The following SH3BGR variants were observed in gnomAD, a reference collection of about 807,000 sequenced individuals.
The protein encoded by SH3BGR is SH3 domain binding glutamate rich protein.
A neutral mutation model predicts 24.5 loss-of-function variants in SH3BGR; 29 were observed. That is an observed-to-expected ratio of 1.18 (90% CI 0.88 to 1.61). The LOEUF (loss-of-function observed/expected upper bound fraction) is 1.61, where lower values mean the gene tolerates loss of function less well. Ranked by LOEUF, SH3BGR falls within the 40% of genes most tolerant of loss-of-function variation. SH3BGR has a pLI of 0.00. For synonymous variants in SH3BGR, 55 were observed against 65.7 expected (o/e 0.84, Z 0.79); for missense variants, 162 against 205.8 (o/e 0.79, Z 1.30).
intron 1 of SH3BGR, among the ~76,000 whole-genome samples, chr21:39,459,302 G>A (rs569914951): frequency 2.6e-5 from 4 of 151,146 alleles, no homozygotes; most frequent in African/African-American, 7.3e-5. Flanking sequence ...TCTGCTCACT[G>A]CAACCTCCGC....
At chr21:39,481,299 CA>C (rs1437455680) in intron 3 of SH3BGR, among the ~76,000 whole-genome samples, 1 of 151,824 alleles carries the variant, frequency 6.6e-6, no homozygotes, top group East Asian at 1.9e-4. Context: ...ACCCTGTTCT[CA>C]AAAACAAACA....
At chr21:39,469,947 T>C (rs6517551) in intron 2 of SH3BGR, among the ~76,000 whole-genome samples, 135,787 of 152,188 alleles carry the variant, frequency 0.89, 60,581 homozygotes, top group Middle Eastern at 0.89. Flanking sequence ...TGAGCCGCCA[T>C]GCCCAGCCTG....
At chr21:39,481,423 G>T (rs1349449447) in intron 3 of SH3BGR, among the ~76,000 whole-genome samples, 1 of 152,160 alleles carries the variant, frequency 6.6e-6, no homozygotes, top group African/African-American at 2.4e-5. Flanking sequence ...AGATGTCAAA[G>T]AAAATATATG....
Position 39,499,912 on chromosome 21 carries a change from GA to G in SH3BGR, c.404del (p.Asn135MetfsTer15), listed in dbSNP as rs2078465104. 2 of 1,611,032 alleles carry G rather than the reference GA, an allele frequency of 1.2e-6. No individual in the cohort carries two copies. The highest frequency in any genetic ancestry group is 1.7e-6 in the Non-Finnish European group (2 of 1,177,370). ...GCAACCTCCCTGAAGCCCAGGAGAAGAATGTGAGTTTTCGCTTTTTCACAGC... is the reference window on the plus strand; with the variant it reads ...GCAACCTCCCTGAAGCCCAGGAGAAGATGTGAGTTTTCGCTTTTTCACAGC... ...VGNLPEAQEK[N>X]EEEGETATEE... is the part of the protein sequence containing the mutation. On this transcript the variant is annotated frameshift_variant and splice_region_variant, in exon 4 of 7. Coordinates refer to ENST00000333634, the MANE Select transcript of SH3BGR (RefSeq NM_007341.3). LOFTEE classifies it high-confidence loss of function.
At chr21:39,451,826 A>G (rs567956769), upstream of SH3BGR, 1 of 1,469,798 alleles carries the variant, frequency 6.8e-7, no homozygotes, top group Non-Finnish European at 9.3e-7. Context: ...GAAAGGGTCC[A>G]GTGGCTGCTT....
Position 39,473,609 on chromosome 21 carries a change from G to A in SH3BGR, c.232-1526G>A, listed in dbSNP as rs146368273. Among the ~76,000 whole-genome samples the A allele has an allele frequency of 2.2e-3, 330 of 152,180 alleles. 1 individual carries two copies. The highest frequency in any genetic ancestry group is 7.8e-3 in the African/African-American group (323 of 41,522). ...ATAAGAGTAACACACAGGAGGCTGG[G>A]CATGGTGGCTCACGCCTGTAATCCC... On this transcript the variant is annotated intron_variant, in intron 2 of 6. Coordinates refer to ENST00000333634, the MANE Select transcript of SH3BGR (RefSeq NM_007341.3).
chr21:39,508,900 T>C (rs2078627654), intron 4 of SH3BGR, 98 bp from the exon 5 acceptor site: 3 of 857,050 alleles, frequency 3.5e-6, no homozygotes, highest in Non-Finnish European at 5.6e-6. Context: ...TTCATTTTGA[T>C]TAGCTTGTAT....
intron 3 of SH3BGR, among the ~76,000 whole-genome samples, chr21:39,477,028 C>T (rs1233480427): frequency 6.6e-6 from 1 of 152,084 alleles, no homozygotes; most frequent in African/African-American, 2.4e-5. Flanking sequence ...CTTCCCTTTG[C>T]AATATCTTTT....
rs561539828 is a variant in SH3BGR at position 39,487,418 on chromosome 21, TATAC to T, written c.312+12205_312+12208del. Among the ~76,000 whole-genome samples, 552 of 152,286 alleles carry T rather than the reference TATAC, an allele frequency of 3.6e-3. 4 individuals carry two copies. Among genetic ancestry groups the T allele is most frequent in the African/African-American group, 0.012 (509 of 41,570 alleles). On this transcript the variant is annotated intron_variant, in intron 3 of 6. Transcript: ENST00000333634. The stretch of plus-strand genomic sequence containing the variant: ...CCAGCCTCCCAAAGTGCTGGGATTA[TATAC>T]AGGTGTGAGCCATCATGCCTAGCTG...
intron 3 of SH3BGR, among the ~76,000 whole-genome samples, chr21:39,483,004 A>G (rs954546695): frequency 1.3e-5 from 2 of 152,248 alleles, no homozygotes; most frequent in African/African-American, 4.8e-5. Flanking sequence ...GCATATGGCA[A>G]TGTTGTATTG....
intron 6 of SH3BGR, among the ~76,000 whole-genome samples, chr21:39,513,010 AT>A (rs145327246): frequency 6.6e-6 from 1 of 152,298 alleles, no homozygotes; most frequent in African/African-American, 2.4e-5. Flanking sequence ...TTTTTAAAAA[AT>A]TTAAAAAAGT....
intron 2 of SH3BGR, among the ~76,000 whole-genome samples, chr21:39,470,156 C>T (rs1260990423): frequency 6.6e-6 from 1 of 151,722 alleles, no homozygotes; most frequent in Non-Finnish European, 1.5e-5. Flanking sequence ...TTATTTTCCC[C>T]TTTACTCAAT....
At chr21:39,448,641 G>C (rs2077538369), upstream of SH3BGR, among the ~76,000 whole-genome samples, 1 of 152,100 alleles carries the variant, frequency 6.6e-6, no homozygotes. Flanking sequence ...CTGAGATCAA[G>C]CCACTGCACT....
intron 6 of SH3BGR, among the ~76,000 whole-genome samples, chr21:39,512,977 T>A (rs2123578071): frequency 6.6e-6 from 1 of 152,288 alleles, no homozygotes; most frequent in South Asian, 2.1e-4. Context: ...TTGCTCATGG[T>A]TTTGCTCTGG....
At chr21:39,456,456 T>C (rs79034978) in intron 1 of SH3BGR, among the ~76,000 whole-genome samples, 27,488 of 152,240 alleles carry the variant, frequency 0.18, 2,619 homozygotes, top group Middle Eastern at 0.27. Context: ...TTAATTAAAA[T>C]GATGATTTAG....
upstream of SH3BGR, among the ~76,000 whole-genome samples, chr21:39,448,793 A>G (rs967967185): frequency 2.0e-5 from 3 of 152,218 alleles, no homozygotes; most frequent in Admixed American, 2.0e-4. Flanking sequence ...CCAGCTTCGA[A>G]AAAGCATAGC....
intron 6 of SH3BGR, among the ~76,000 whole-genome samples, chr21:39,514,881 T>C (rs918153598): frequency 6.6e-6 from 1 of 152,254 alleles, no homozygotes; most frequent in Non-Finnish European, 1.5e-5. Context: ...GTGTTTGATA[T>C]GTGTTTATGC....
At chr21:39,471,335 A>G (rs1166189842) in intron 2 of SH3BGR, among the ~76,000 whole-genome samples, 1 of 152,134 alleles carries the variant, frequency 6.6e-6, no homozygotes, top group African/African-American at 2.4e-5. Flanking sequence ...TAATCCTAGC[A>G]CTTTGGGAGG....
chr21:39,485,825 C>G (rs547400983), intron 3 of SH3BGR, among the ~76,000 whole-genome samples: 41 of 152,050 alleles, frequency 2.7e-4, no homozygotes, highest in Non-Finnish European at 5.4e-4. Flanking sequence ...GTAGCTGGGA[C>G]TACAGGCGCC....
Sources: allele counts gnomAD v4.1 joint callset (sites outside exome capture counted in the v4.1 genomes callset), GRCh38; gene constraint gnomAD v4.1.1; transcripts MANE v1.5; gene names NCBI Gene and HGNC (gene_info 2026-07-23, HGNC 2026-07-21).